Variants in GRIA2 observed in about 807,000 individuals in gnomAD.
GRIA2 encodes the protein glutamate receptor 2.
GRIA2 carries 14 observed loss-of-function variants against 97.3 expected under a neutral mutation model. The ratio of observed to expected loss-of-function variants is 0.14; its 90% CI spans 0.10 to 0.23. GRIA2 has a LOEUF of 0.23. Among genes scored for constraint, GRIA2 ranks in the 10% least tolerant of loss-of-function variants. The pLI is 1.00. For missense variants in GRIA2, 558 were observed against 1,069.8 expected (o/e 0.52, Z 6.67); for synonymous variants, 412 against 387.8 (o/e 1.06, Z -0.73).
At chr4:157,256,142 G>A (rs1158110271) in intron 2 of GRIA2, among the ~76,000 whole-genome samples, 2 of 110,730 alleles carry the variant, frequency 1.8e-5, no homozygotes, top group Non-Finnish European at 3.9e-5. Flanking sequence ...ACATCAAATT[G>A]TAATATTATA....
At chr4:157,347,666 C>T (rs1735819738) in intron 12 of GRIA2, among the ~76,000 whole-genome samples, 1 of 152,106 alleles carries the variant, frequency 6.6e-6, no homozygotes. Context: ...ATGATCTCTG[C>T]CTACCTCTGT....
intron 2 of GRIA2, among the ~76,000 whole-genome samples, chr4:157,232,284 C>T (rs1362541820): frequency 6.6e-6 from 1 of 152,170 alleles, no homozygotes; most frequent in South Asian, 2.1e-4. Context: ...AAGCATCTCT[C>T]ATCATTGCAA....
intron 6 of GRIA2, among the ~76,000 whole-genome samples, chr4:157,322,265 G>C (rs1444027012): frequency 6.6e-6 from 1 of 150,964 alleles, no homozygotes; most frequent in Admixed American, 6.6e-5. Context: ...GTGTGTGTGT[G>C]TGTGTGTGTG....
chr4:157,228,731 T>C (rs186256893), intron 2 of GRIA2, among the ~76,000 whole-genome samples: 281 of 133,946 alleles, frequency 2.1e-3, no homozygotes, highest in East Asian at 0.012. Flanking sequence ...AGAGAGATGT[T>C]GCAGTGAGCC....
chr4:157,299,193 C>T lies in GRIA2; in HGVS notation c.230-4359C>T, dbSNP rs547961340. On this transcript the variant is annotated intron_variant, in intron 2 of 15. Coordinates refer to ENST00000264426, the MANE Select transcript of GRIA2 (RefSeq NM_001083619.3). ...TCAGAGAAGCTAAGAAAGCTAGATC[C>T]AAAGAAGAGATGATTATTTTTAGTT... 1.5e-3 allele frequency among the ~76,000 whole-genome samples: 224 copies of T among 152,046 alleles called. 1 individual carries two copies. Among genetic ancestry groups the T allele is most frequent in the African/African-American group, 4.8e-3 (198 of 41,498 alleles).
Position 157,362,920 on chromosome 4 carries a change from C to T in GRIA2, c.2528C>T (p.Ala843Val), listed in dbSNP as rs1736697784. The T allele has an allele frequency of 2.5e-6, 4 of 1,613,480 alleles. No individual in the cohort carries two copies. The highest frequency in any genetic ancestry group is 3.4e-6 in the Non-Finnish European group (4 of 1,179,660). Reference sequence around the variant, plus strand: ...TTCTGTTACAAGTCAAGGGCCGAGGCGAAACGAATGAAGGTGGCAAAGAAT... The same window carrying T: ...TTCTGTTACAAGTCAAGGGCCGAGGTGAAACGAATGAAGGTGGCAAAGAAT... ...IEFCYKSRAEAKRMKVAKNAQ... is the reference protein window; with the variant it reads ...IEFCYKSRAEVKRMKVAKNAQ... The change falls in exon 15 of 16, where the codon GCG becomes GTG. Residue 843 changes from alanine (A) to valine (V), a missense_variant. Physicochemically the swap from Ala to Val is moderately conservative, Grantham distance 64. Transcript: ENST00000264426.
intron 4 of GRIA2, 114 bp from the exon 5 acceptor site, chr4:157,317,544 A>C (rs958504654): frequency 2.2e-5 from 10 of 452,216 alleles, no homozygotes; most frequent in African/African-American, 8.1e-5. Flanking sequence ...TTGGCACATC[A>C]ACAAACCTAG....
At position 157,363,504 on chromosome 4, in the gene GRIA2, C is replaced by A; in HGVS notation, c.*73C>A. On this transcript the variant is annotated 3_prime_UTR_variant, in exon 16 of 16. Coordinates refer to ENST00000264426, the MANE Select transcript of GRIA2 (RefSeq NM_001083619.3). Reference sequence around the variant, plus strand: ...TACAGGAAGTACTGGAGAAAATGGACGTGTTATGACTCCAGAATTTCCCAA... The same window carrying A: ...TACAGGAAGTACTGGAGAAAATGGAAGTGTTATGACTCCAGAATTTCCCAA... 8.1e-7 allele frequency: 1 copy of A among 1,237,712 alleles called. No homozygotes were observed. The highest frequency in any genetic ancestry group is 1.0e-6 in the Non-Finnish European group (1 of 989,274). The allele number at this position is 1,237,712 out of a possible 1,614,324, so 76.7% of individuals were successfully genotyped here. A position where few individuals can be genotyped will look rare whatever the true frequency, so the allele number is the denominator to read the frequency against.
At chr4:157,344,307 C>T (rs1429037363) in intron 12 of GRIA2, among the ~76,000 whole-genome samples, 1 of 152,012 alleles carries the variant, frequency 6.6e-6, no homozygotes, top group Non-Finnish European at 1.5e-5. Flanking sequence ...CTAAAATTAA[C>T]ATTCACCACA....
chr4:157,240,444 T>C (rs533566097), intron 2 of GRIA2, among the ~76,000 whole-genome samples: 2 of 152,252 alleles, frequency 1.3e-5, no homozygotes, highest in African/African-American at 2.4e-5. Context: ...TCTTGCACTG[T>C]GAACTTTATC....
intron 2 of GRIA2, among the ~76,000 whole-genome samples, chr4:157,272,911 G>A (rs1047368872): frequency 6.6e-6 from 1 of 152,012 alleles, no homozygotes; most frequent in Non-Finnish European, 1.5e-5. Context: ...TAAGCATAGG[G>A]TTATAGAACA....
chr4:157,226,422 C>T (rs1026711548), intron 2 of GRIA2, among the ~76,000 whole-genome samples: 45 of 151,732 alleles, frequency 3.0e-4, no homozygotes, highest in African/African-American at 1.0e-3. Flanking sequence ...ATAGGTTGCC[C>T]TATATTTTAT....
chr4:157,246,187 C>A (rs919242690), intron 2 of GRIA2, among the ~76,000 whole-genome samples: 6 of 151,966 alleles, frequency 3.9e-5, no homozygotes, highest in Non-Finnish European at 8.8e-5. Flanking sequence ...CAGTTTATTT[C>A]TTTGTTATTC....
chr4:157,344,171 T>G (rs1040691664), intron 12 of GRIA2, among the ~76,000 whole-genome samples: 36 of 152,108 alleles, frequency 2.4e-4, no homozygotes, highest in African/African-American at 8.4e-4. Flanking sequence ...ACAAAAATAT[T>G]TGATTTTCAT....
At chr4:157,294,364 G>A (rs1190212303) in intron 2 of GRIA2, among the ~76,000 whole-genome samples, 1 of 151,616 alleles carries the variant, frequency 6.6e-6, no homozygotes, top group Non-Finnish European at 1.5e-5. Context: ...TAATCCCTCG[G>A]TCTTGTACAT....
At chr4:157,284,736 T>C (rs1732762420) in intron 2 of GRIA2, among the ~76,000 whole-genome samples, 1 of 151,724 alleles carries the variant, frequency 6.6e-6, no homozygotes. Flanking sequence ...AACTTGCTTT[T>C]CCCTTACTCA....
chr4:157,339,480 G>A (rs1179561641), intron 11 of GRIA2, among the ~76,000 whole-genome samples: 2 of 151,796 alleles, frequency 1.3e-5, no homozygotes, highest in Non-Finnish European at 2.9e-5. Context: ...ATAAATAGTT[G>A]AAGTACTTTT....
At chr4:157,270,684 C>T (rs1420910546) in intron 2 of GRIA2, among the ~76,000 whole-genome samples, 2 of 152,030 alleles carry the variant, frequency 1.3e-5, no homozygotes, top group Admixed American at 1.3e-4. Flanking sequence ...GACTATGACA[C>T]CTTGTGTGCA....
At chr4:157,259,602 C>A (rs972201232) in intron 2 of GRIA2, among the ~76,000 whole-genome samples, 2 of 152,050 alleles carry the variant, frequency 1.3e-5, no homozygotes, top group African/African-American at 2.4e-5. Flanking sequence ...AAAAGAGGAG[C>A]AAGAACATTA....
Sources: allele counts gnomAD v4.1 joint callset (sites outside exome capture counted in the v4.1 genomes callset), GRCh38; gene constraint gnomAD v4.1.1; transcripts MANE v1.5; gene names NCBI Gene and HGNC (gene_info 2026-07-23, HGNC 2026-07-21).